Variants in WASHC2A observed in about 807,000 individuals in gnomAD.
The protein encoded by WASHC2A is WASH complex subunit FAM21A.
In WASHC2A, 82 loss-of-function variants were observed where a neutral mutation model predicts 140.3. That is an observed-to-expected ratio of 0.58 (90% CI 0.49 to 0.70). The LOEUF (loss-of-function observed/expected upper bound fraction) is 0.70. Among genes scored for constraint, WASHC2A ranks in the 30% least tolerant of loss-of-function variants. The probability of loss-of-function intolerance (pLI) is 0.00; values close to 1 mark genes in which losing one functional copy is unlikely to be tolerated. For missense variants in WASHC2A, 985 were observed against 1,521.8 expected (o/e 0.65, Z 5.87); for synonymous variants, 340 against 560.8 (o/e 0.61, Z 5.56).
rs2669761 is a variant in WASHC2A at position 50,129,923 on chromosome 10, C to A, written c.3592C>A (p.Pro1198Thr). 0.34 allele frequency: 542,400 copies of A among 1,611,682 alleles called. 95,376 individuals are homozygous for A. Among genetic ancestry groups the A allele is most frequent in the Admixed American group, 0.45 (27,161 of 59,964 alleles). ...ACCAAAACCAGCAAAGAAAACAAAT[C>A]CCTTTCCTCTCCTGGAAGATGAGGA... ...AKPKPAKKTN[P>T]FPLLEDEDDL... The change falls in exon 29 of 31, where the codon CCC becomes ACC. Residue 1198 changes from proline to threonine, a missense_variant. By Grantham distance (38) the Pro-to-Thr change is conservative (BLOSUM62 -1). Coordinates refer to ENST00000282633, the MANE Select transcript of WASHC2A (RefSeq NM_001005751.3).
chr10:50,077,550 AC>A (rs1208236335), intron 3 of WASHC2A, among the ~76,000 whole-genome samples: 1 of 152,070 alleles, frequency 6.6e-6, no homozygotes, highest in African/African-American at 2.4e-5. Flanking sequence ...TAAAAAGTAT[AC>A]AATTTGGTGG....
chr10:50,121,262 A>C (rs1375614367), intron 23 of WASHC2A, among the ~76,000 whole-genome samples: 4 of 150,518 alleles, frequency 2.7e-5, no homozygotes, highest in Non-Finnish European at 5.9e-5. Flanking sequence ...AGGAATCTGC[A>C]AAAAACATCC....
intron 4 of WASHC2A, 108 bp downstream of exon 4, chr10:50,078,845 A>G: frequency 6.2e-7 from 1 of 1,607,876 alleles, no homozygotes; most frequent in Non-Finnish European, 8.5e-7. Flanking sequence ...TGGGAAAGGG[A>G]GGGACTGCTC....
At position 50,130,988 on chromosome 10, in the gene WASHC2A, A is replaced by T. The variant is rs1843917427; in HGVS notation, c.3796A>T (p.Asn1266Tyr). 1 of 1,610,210 alleles carries T rather than the reference A, an allele frequency of 6.2e-7. No homozygotes were observed. The highest frequency in any genetic ancestry group is 1.7e-5 in the Admixed American group (1 of 59,794). The stretch of plus-strand genomic sequence containing the variant: ...ATTGGAATCTAATTTATTTGATGAT[A>T]ACATTGATATCTTTGCTGACTTAAC... ...KTLESNLFDD[N>Y]IDIFADLTVK... The change falls in exon 30 of 31, where the codon AAC (asparagine) becomes TAC (tyrosine). Residue 1266 changes from asparagine to tyrosine, a missense_variant. By Grantham distance (143) the Asn-to-Tyr change is moderately radical (BLOSUM62 -2). Coordinates refer to ENST00000282633, the MANE Select transcript of WASHC2A (RefSeq NM_001005751.3).
intron 2 of WASHC2A, among the ~76,000 whole-genome samples, chr10:50,069,193 G>A (rs1254527727): frequency 6.6e-6 from 1 of 151,760 alleles, no homozygotes; most frequent in Non-Finnish European, 1.5e-5. Context: ...TTGGGAGGCC[G>A]AGGTGGGCGA....
intron 21 of WASHC2A, among the ~76,000 whole-genome samples, chr10:50,114,428 A>G (rs1842524643): frequency 1.9e-5 from 2 of 108,024 alleles, no homozygotes; most frequent in Admixed American, 2.1e-4. Flanking sequence ...ATCAGTGGAG[A>G]AATGGTCACA....
Position 50,132,995 on chromosome 10 carries a change from T to C in WASHC2A, c.*50T>C. On this transcript the variant is annotated 3_prime_UTR_variant, in exon 31 of 31. Transcript: ENST00000282633. ...CCCTGCAGCTACATTGTTGAGTTAG[T>C]GATGATGTTGTATATGCTGATGGTC... 1 of 1,611,842 alleles carries C rather than the reference T, an allele frequency of 6.2e-7. No homozygotes were observed.
rs1842164680 is a variant in WASHC2A, at chr10:50,110,227, G to A, written c.1996G>A (p.Glu666Lys). Reference protein sequence around the residue: ...AKAVKKTSLFEEDEEDDLFAI... With the variant: ...AKAVKKTSLFKEDEEDDLFAI... Reference sequence around the variant, plus strand: ...GGCTGTGAAAAAGACCAGTCTCTTTGAGGAAGACGAAGAAGATGATCTTTT... The same window carrying A: ...GGCTGTGAAAAAGACCAGTCTCTTTAAGGAAGACGAAGAAGATGATCTTTT... The change falls in exon 20 of 31, where the codon GAG (glutamate) becomes AAG (lysine). Residue 666 changes from glutamate to lysine, a missense_variant. Transcript: ENST00000282633. The A allele has an allele frequency of 6.2e-7, 1 of 1,611,770 alleles. No individual in the cohort carries two copies. Among genetic ancestry groups the A allele is most frequent in the Admixed American group, 1.7e-5 (1 of 59,990 alleles).
At chr10:50,113,196 C>T (rs1589256816) in intron 20 of WASHC2A, among the ~76,000 whole-genome samples, 2 of 151,234 alleles carry the variant, frequency 1.3e-5, no homozygotes, top group Admixed American at 1.3e-4. Context: ...AGAGCGACCT[C>T]ACCTCTCCAA....
intron 28 of WASHC2A, among the ~76,000 whole-genome samples, chr10:50,129,130 A>G (rs1245192880): frequency 6.6e-6 from 1 of 152,208 alleles, no homozygotes; most frequent in Non-Finnish European, 1.5e-5. Context: ...CCAGGTTTCC[A>G]GCAACAGATA....
intron 14 of WASHC2A, 70 bp from the exon 15 acceptor site, chr10:50,095,529 A>C (rs1396048240): frequency 3.7e-5 from 59 of 1,574,912 alleles, no homozygotes; most frequent in Non-Finnish European, 4.5e-5. Flanking sequence ...GTGGGTGATA[A>C]TTTTTTTCTG....
intron 23 of WASHC2A, among the ~76,000 whole-genome samples, chr10:50,121,585 G>A (rs1843024902): frequency 6.7e-6 from 1 of 150,252 alleles, no homozygotes; most frequent in Admixed American, 6.6e-5. Flanking sequence ...GTAGAGACAG[G>A]GTTTCACCGT....
At position 50,091,458 on chromosome 10, in the gene WASHC2A, G is replaced by C; in HGVS notation, c.871G>C (p.Asp291His). ...AAGAAGCAGACCTACATCGTTTGCA[G>C]ATGAGCTGGCTGCCCGCATCAAGGG... Reference protein sequence around the residue: ...PKRSRPTSFADELAARIKGDA... With the variant: ...PKRSRPTSFAHELAARIKGDA... Residue 291 changes from aspartate to histidine, a missense_variant, in exon 10 of 31, where the codon GAT becomes CAT. Physicochemically the swap from Asp to His is moderately conservative, Grantham distance 81. Transcript: ENST00000282633. 6.4e-7 allele frequency: 1 copy of C among 1,550,736 alleles called. No individual in the cohort carries two copies. Among genetic ancestry groups the C allele is most frequent in the South Asian group, 1.2e-5 (1 of 84,060 alleles).
Position 50,095,670 on chromosome 10 carries a change from C to G in WASHC2A, c.1312C>G (p.Pro438Ala). The change falls in exon 15 of 31, where the codon CCA (proline) becomes GCA (alanine). Residue 438 changes from proline (P) to alanine (A), a missense_variant. Physicochemically the swap from Pro to Ala is conservative, Grantham distance 27 (BLOSUM62 -1). Transcript: ENST00000282633. The stretch of plus-strand genomic sequence containing the variant: ...GCCACAGAAGCCTGAGCAGCCCACT[C>G]CAAGGAAAAGCCCCTATGGTCCCCC... ...KEPQKPEQPT[P>A]RKSPYGPPPT... is the part of the protein sequence containing the mutation. 6 of 1,611,676 alleles carry G rather than the reference C, an allele frequency of 3.7e-6. No individual in the cohort carries two copies. The highest frequency in any genetic ancestry group is 5.1e-6 in the Non-Finnish European group (6 of 1,179,792).
intron 23 of WASHC2A, among the ~76,000 whole-genome samples, chr10:50,124,788 G>T (rs1349583309): frequency 6.6e-6 from 1 of 150,394 alleles, no homozygotes; most frequent in South Asian, 2.1e-4. Flanking sequence ...CTAATGGATT[G>T]CTTTTCTAAT....
chr10:50,107,659 C>T (rs1214547661), intron 19 of WASHC2A, among the ~76,000 whole-genome samples: 55 of 152,100 alleles, frequency 3.6e-4, no homozygotes, highest in African/African-American at 1.3e-3. Context: ...TGGTGGCTCA[C>T]GTCTGTAATC....
rs1395861557 is a variant in WASHC2A, at chr10:50,067,973, C to T, written c.-33C>T. 1.9e-6 allele frequency: 3 copies of T among 1,600,458 alleles called. No individual in the cohort carries two copies. The highest frequency in any genetic ancestry group is 1.7e-5 in the Admixed American group (1 of 57,982). On this transcript the variant is annotated 5_prime_UTR_variant, in exon 1 of 31. Coordinates refer to ENST00000282633, the MANE Select transcript of WASHC2A (RefSeq NM_001005751.3). ...CTCTGCAGTCCTCGGCGTGTGCTGG[C>T]AGCTTCGGAGCCCACCGAGCCGGGC...
chr10:50,091,796 A>G (rs1444906667), intron 10 of WASHC2A, among the ~76,000 whole-genome samples: 4 of 152,222 alleles, frequency 2.6e-5, no homozygotes, highest in Admixed American at 6.5e-5. Context: ...CCAGAGAACC[A>G]TGGGCAACAG....
intron 8 of WASHC2A, among the ~76,000 whole-genome samples, chr10:50,090,515 A>AAAAAAAAAAAATATATATAT (rs1214596899): frequency 9.2e-6 from 1 of 108,734 alleles, no homozygotes; most frequent in African/African-American, 3.3e-5. Flanking sequence ...AAAAAAAAAA[A>AAAAAAAAAAAATATATATAT]ATATATATAT....
Sources: allele counts gnomAD v4.1 joint callset (sites outside exome capture counted in the v4.1 genomes callset), GRCh38; gene constraint gnomAD v4.1.1; transcripts MANE v1.5; gene names NCBI Gene and HGNC (gene_info 2026-07-23, HGNC 2026-07-21).